The following LRP1B variants were observed in gnomAD, a reference collection of about 807,000 sequenced individuals.
LRP1B encodes the protein low-density lipoprotein receptor-related protein 1B.
In LRP1B, 217 loss-of-function variants were observed where a neutral mutation model predicts 556.6. The ratio of observed to expected loss-of-function variants is 0.39; its 90% CI spans 0.35 to 0.44. LRP1B has a LOEUF of 0.44. Among genes scored for constraint, LRP1B ranks in the 20% least tolerant of loss-of-function variants. The pLI is 1.00. For missense variants in LRP1B, 5,053 were observed against 5,620.8 expected, an observed-to-expected ratio of 0.90 and a Z score of 3.23; for synonymous variants, 2,047 against 1,865.8, an observed-to-expected ratio of 1.10 and a Z score of -2.50.
At chr2:140,835,910 C>A (rs1373513367) in intron 31 of LRP1B, among the ~76,000 whole-genome samples, 1 of 152,202 alleles carries the variant, frequency 6.6e-6, no homozygotes, top group South Asian at 2.1e-4. Context: ...AGTTGAATAC[C>A]TTTTTTGTCC....
chr2:141,350,840 T>C (rs1297133673), intron 3 of LRP1B, among the ~76,000 whole-genome samples: 1 of 152,062 alleles, frequency 6.6e-6, no homozygotes, highest in Non-Finnish European at 1.5e-5. Context: ...CCATAGATTT[T>C]GGCCGCCATT....
intron 81 of LRP1B, 83 bp downstream of exon 81, chr2:140,323,810 A>G: frequency 1.4e-6 from 1 of 694,902 alleles, no homozygotes; most frequent in Non-Finnish European, 2.3e-6. Flanking sequence ...TTACATAGTT[A>G]AGATATTTAA....
chr2:141,062,195 T>G lies in LRP1B; in HGVS notation c.1092A>C (p.Ile364=). Residue 364 remains isoleucine, a synonymous_variant, in exon 8 of 91, where the codon ATA becomes ATC. Coordinates refer to ENST00000389484, the MANE Select transcript of LRP1B (RefSeq NM_018557.3). ...CDMDGMNRTR[I]IDSKTEQPAA... is the part of the protein sequence containing the mutation. ...CTGGCTGCTCTGTCTTTGAATCAAT[T>G]ATCCTTGTTCGGTTCATCCCATCCA... 6.2e-7 allele frequency: 1 copy of G among 1,611,916 alleles called. No individual in the cohort carries two copies. The highest frequency in any genetic ancestry group is 8.5e-7 in the Non-Finnish European group (1 of 1,178,624).
intron 2 of LRP1B, among the ~76,000 whole-genome samples, chr2:141,795,889 TA>T (rs1695793779): frequency 2.6e-5 from 2 of 76,710 alleles, no homozygotes; most frequent in African/African-American, 9.2e-5. Context: ...TATATATATA[TA>T]TATATATATA....
intron 79 of LRP1B, among the ~76,000 whole-genome samples, chr2:140,327,722 G>A (rs1680565485): frequency 6.6e-6 from 1 of 151,410 alleles, no homozygotes; most frequent in African/African-American, 2.4e-5. Context: ...AGAAAACAGT[G>A]AGTATGTAAT....
At chr2:141,313,501 A>T (rs1686888000) in intron 3 of LRP1B, among the ~76,000 whole-genome samples, 1 of 152,232 alleles carries the variant, frequency 6.6e-6, no homozygotes, top group Admixed American at 6.5e-5. Context: ...CTTTGAAGGT[A>T]GGCAGTGCTT....
intron 83 of LRP1B, among the ~76,000 whole-genome samples, chr2:140,309,004 TG>T (rs1337924429): frequency 4.6e-5 from 7 of 151,778 alleles, no homozygotes; most frequent in African/African-American, 1.4e-4. Context: ...TTTGTGAATC[TG>T]TCTTGACTTC....
At chr2:141,108,626 A>C (rs1700671645) in intron 7 of LRP1B, among the ~76,000 whole-genome samples, 2 of 152,038 alleles carry the variant, frequency 1.3e-5, no homozygotes, top group Non-Finnish European at 2.9e-5. Context: ...CTGGGATTGC[A>C]GGTATGAGCC....
chr2:141,137,508 A>C (rs1701519932), intron 7 of LRP1B, among the ~76,000 whole-genome samples: 1 of 151,978 alleles, frequency 6.6e-6, no homozygotes. Flanking sequence ...AAAGGCTACA[A>C]AATGATGTTT....
intron 41 of LRP1B, among the ~76,000 whole-genome samples, chr2:140,678,628 T>G (rs1685754103): frequency 6.6e-6 from 1 of 152,224 alleles, no homozygotes; most frequent in Admixed American, 6.5e-5. Flanking sequence ...GAATATTGCA[T>G]TAGTTTGTTA....
intron 2 of LRP1B, among the ~76,000 whole-genome samples, chr2:141,506,474 C>A (rs575912677): frequency 5.3e-5 from 8 of 152,186 alleles, no homozygotes; most frequent in Admixed American, 1.3e-4. Context: ...TATACGTGCA[C>A]TAGTGTAACA....
intron 66 of LRP1B, among the ~76,000 whole-genome samples, chr2:140,397,499 A>T (rs752355946): frequency 6.6e-6 from 1 of 152,202 alleles, no homozygotes; most frequent in Non-Finnish European, 1.5e-5. Flanking sequence ...ATTTAACATG[A>T]TGTAATATAG....
intron 3 of LRP1B, among the ~76,000 whole-genome samples, chr2:141,428,737 T>C (rs1483923194): frequency 1.3e-5 from 2 of 152,196 alleles, no homozygotes; most frequent in Admixed American, 6.5e-5. Context: ...TGACCTTCTC[T>C]CATGGTGTTT....
At chr2:141,763,147 G>C (rs1035896355) in intron 2 of LRP1B, among the ~76,000 whole-genome samples, 1 of 152,096 alleles carries the variant, frequency 6.6e-6, no homozygotes, top group African/African-American at 2.4e-5. Flanking sequence ...TAGAAATATA[G>C]AATAGCCATG....
chr2:141,237,061 T>C (rs1324048923), intron 5 of LRP1B, among the ~76,000 whole-genome samples: 1 of 152,144 alleles, frequency 6.6e-6, no homozygotes, highest in Non-Finnish European at 1.5e-5. Flanking sequence ...AGAAACAAGG[T>C]GATAAGAACC....
At chr2:140,952,001 C>T (rs560431228) in intron 18 of LRP1B, 61 bp from the exon 19 acceptor site, 54 of 1,173,130 alleles carry the variant, frequency 4.6e-5, no homozygotes, top group East Asian at 7.0e-5. Context: ...TGACATAATT[C>T]GTATCATCTG....
intron 41 of LRP1B, among the ~76,000 whole-genome samples, chr2:140,658,589 TTTTTC>T (rs1410920435): frequency 2.0e-5 from 3 of 152,226 alleles, no homozygotes; most frequent in Non-Finnish European, 2.9e-5. Flanking sequence ...TTATCCAATT[TTTTTC>T]TTTTAAATTT....
At chr2:141,478,687 G>T (rs972768419) in intron 3 of LRP1B, among the ~76,000 whole-genome samples, 3 of 151,898 alleles carry the variant, frequency 2.0e-5, no homozygotes, top group Non-Finnish European at 4.4e-5. Context: ...GGGAATACAG[G>T]CCCCTGCCAC....
intron 55 of LRP1B, among the ~76,000 whole-genome samples, chr2:140,498,179 T>C (rs1449733823): frequency 6.6e-6 from 1 of 151,896 alleles, no homozygotes; most frequent in Non-Finnish European, 1.5e-5. Flanking sequence ...GAATTATATG[T>C]ATTCAGCCTC....
Sources: gnomAD v4.1 joint callset for allele counts (sites outside exome capture counted in the v4.1 genomes callset) on GRCh38, gnomAD v4.1.1 for gene constraint, MANE v1.5 for transcripts, NCBI Gene and HGNC (gene_info 2026-07-23, HGNC 2026-07-21) for gene names.